Variants in MICAL2 observed in about 807,000 individuals in gnomAD.
MICAL2 encodes microtubule associated monooxygenase, calponin and LIM domain containing 2.
In MICAL2, 77 loss-of-function variants were observed where a neutral mutation model predicts 127.3. The ratio of observed to expected loss-of-function variants is 0.60; its 90% CI spans 0.50 to 0.73. The LOEUF is 0.73. MICAL2 is among the 30% of genes least tolerant of loss of function. MICAL2 has a pLI of 0.00. For missense variants in MICAL2, 1,351 were observed against 1,434.4 expected (o/e 0.94, Z 0.94); for synonymous variants, 570 against 551.1 (o/e 1.03, Z -0.48).
At chr11:12,329,880 A>G (rs11022301) in intron 32 of MICAL2, among the ~76,000 whole-genome samples, 15,794 of 148,804 alleles carry the variant, frequency 0.11, 964 homozygotes, top group South Asian at 0.19. Flanking sequence ...AAAAAAAAAA[A>G]AAAGAAAAGA....
At chr11:12,254,361 A>T (rs899962383) in intron 22 of MICAL2, 1 of 152,256 alleles carries the variant, frequency 6.6e-6, no homozygotes, top group African/African-American at 2.4e-5. Context: ...CTTTACGCCA[A>T]GTCTCAGCAC....
chr11:12,175,442 C>CT (rs1856729227), intron 3 of MICAL2, among the ~76,000 whole-genome samples: 1 of 151,462 alleles, frequency 6.6e-6, no homozygotes, highest in South Asian at 2.1e-4. Context: ...CGCCACTCCA[C>CT]TCCAGCCCGG....
rs185943606 is a variant in MICAL2, at chr11:12,211,759, G to A, written c.692-1496G>A. On this transcript the variant is annotated intron_variant, in intron 6 of 27. Transcript: ENST00000683283. ...CAAGAGCCAGCAAAATAGACATGGG[G>A]TTTTATTAGGGATTCACAGGGGAGA... Among the ~76,000 whole-genome samples the A allele has an allele frequency of 4.6e-5, 7 of 152,294 alleles. No homozygotes were observed. The East Asian group carries it at 1.4e-3, about 29-fold the overall frequency.
chr11:12,264,268 A>G (rs771330041), downstream of MICAL2, among the ~76,000 whole-genome samples: 1 of 152,182 alleles, frequency 6.6e-6, no homozygotes, highest in Non-Finnish European at 1.5e-5. Context: ...AGGACTGGGC[A>G]TCAATATTAG....
At chr11:12,305,652 A>G (rs563179826) in intron 29 of MICAL2, among the ~76,000 whole-genome samples, 19 of 152,354 alleles carry the variant, frequency 1.2e-4, no homozygotes, top group African/African-American at 3.6e-4. Context: ...ATCTTACTGT[A>G]GTGTACTCAC....
chr11:12,199,552 C>T (rs1057078496), intron 3 of MICAL2, among the ~76,000 whole-genome samples: 2 of 152,202 alleles, frequency 1.3e-5, no homozygotes, highest in African/African-American at 4.8e-5. Flanking sequence ...GACTGAATCT[C>T]TTATGCATTC....
Position 12,324,069 on chromosome 11 carries a change from A to C in MICAL2, c.5420A>C (p.Gln1807Pro). Residue 1807 changes from glutamine to proline, a missense_variant and splice_region_variant, in exon 31 of 35, where the codon CAG (glutamine) becomes CCG (proline). Transcript: ENST00000646065. ...GAATTGAAAAGACTCTATAAGGCTC[A>C]GGTCAGTAAATAAACTGGACATGAG... 2.5e-6 allele frequency: 4 copies of C among 1,608,552 alleles called. No homozygotes were observed. In the East Asian group the frequency reaches 8.9e-5, roughly 36 times the overall value.
In MICAL2 at chr11:12,256,775, C is replaced by G. The variant is rs199545924; in HGVS notation, c.2956-10C>G. 3 of 1,601,900 alleles carry G rather than the reference C, an allele frequency of 1.9e-6. No homozygotes were observed. The East Asian group carries it at 6.7e-5, about 36-fold the overall frequency. On this transcript the variant is annotated splice_polypyrimidine_tract_variant and intron_variant, in intron 23 of 27. Coordinates refer to ENST00000683283, the MANE Select transcript of MICAL2 (RefSeq NM_001282663.2). ...CCATAATACACCCACTCTTCTCTCC[C>G]GATCCCCAGGAATCTATGCGAAAGT...
intron 3 of MICAL2, among the ~76,000 whole-genome samples, chr11:12,169,417 GCT>G (rs1855965837): frequency 6.6e-6 from 1 of 151,716 alleles, no homozygotes; most frequent in Non-Finnish European, 1.5e-5. Context: ...ATGGAATCTT[GCT>G]CTGTCACCCA....
chr11:12,128,251 A>G (rs949664229), intron 1 of MICAL2, among the ~76,000 whole-genome samples: 8 of 152,244 alleles, frequency 5.3e-5, no homozygotes, highest in Non-Finnish European at 8.8e-5. Context: ...CTTGAAGAAA[A>G]TGATTTTGCA....
intron 29 of MICAL2, among the ~76,000 whole-genome samples, chr11:12,319,015 A>G (rs1361531147): frequency 6.6e-6 from 1 of 152,228 alleles, no homozygotes; most frequent in Admixed American, 6.5e-5. Context: ...CGATGATGTG[A>G]TAACATCTGC....
Position 12,258,547 on chromosome 11 carries a change from A to G in MICAL2, c.3222A>G (p.Gln1074=). ...GGAAGAGACGGGCAGAGTTGAAGCA[A>G]CAAAGAGAGGTATGTTTGTCTCAAA... ...KQRKRRAELK[Q]QREEEATWQE... Residue 1074 remains glutamine (Q), a synonymous_variant, in exon 25 of 28, where the codon CAA becomes CAG. Coordinates refer to ENST00000683283, the MANE Select transcript of MICAL2 (RefSeq NM_001282663.2). 1 of 1,613,522 alleles carries G rather than the reference A, an allele frequency of 6.2e-7. No homozygotes were observed. Among genetic ancestry groups the G allele is most frequent in the South Asian group, 1.1e-5 (1 of 91,080 alleles).
intron 32 of MICAL2, among the ~76,000 whole-genome samples, chr11:12,339,729 T>G (rs1343796267): frequency 6.6e-6 from 1 of 152,216 alleles, no homozygotes. Context: ...CCCATTTGCC[T>G]GGGTATCAGC....
intron 26 of MICAL2, chr11:12,261,890 T>G (rs1041499746): frequency 1.1e-4 from 113 of 985,994 alleles, no homozygotes; most frequent in Non-Finnish European, 1.3e-4. Context: ...TTCCTTTTGT[T>G]TGAGTATAGA....
At chr11:12,236,916 T>C (rs1393726712) in intron 16 of MICAL2, among the ~76,000 whole-genome samples, 3 of 152,220 alleles carry the variant, frequency 2.0e-5, no homozygotes, top group Non-Finnish European at 4.4e-5. Context: ...ATGCCAGCTT[T>C]TGCCAGCCTA....
At chr11:12,295,893 T>C (rs1863980220), downstream of MICAL2, among the ~76,000 whole-genome samples, 1 of 152,194 alleles carries the variant, frequency 6.6e-6, no homozygotes. Flanking sequence ...CGGTGTTGAA[T>C]GAACATCTTT....
intron 2 of MICAL2, among the ~76,000 whole-genome samples, chr11:12,158,515 C>A (rs1337823451): frequency 1.4e-5 from 2 of 146,474 alleles, no homozygotes; most frequent in Admixed American, 6.8e-5. Flanking sequence ...AAAAAAAAAA[C>A]AGATAATTTC....
rs560546022 is a variant in MICAL2, at chr11:12,139,205, C to G, written c.-78+745C>G. On this transcript the variant is annotated intron_variant, in intron 2 of 27. Transcript: ENST00000683283. ...GGACTTCCTGTCTGGCGTTTTGGCA[C>G]CCCTCCTCCCTCCTCCTCTGCCCTG... 2.0e-5 allele frequency among the ~76,000 whole-genome samples: 3 copies of G among 152,274 alleles called. No individual in the cohort carries two copies. The South Asian group carries it at 6.2e-4, about 32-fold the overall frequency.
intron 29 of MICAL2, among the ~76,000 whole-genome samples, chr11:12,314,056 A>T (rs2134828545): frequency 8.9e-6 from 1 of 112,072 alleles, no homozygotes; most frequent in East Asian, 2.7e-4. Flanking sequence ...CTTTAATGTT[A>T]CTGTATTATT....
Sources: gnomAD v4.1 joint callset for allele counts (sites outside exome capture counted in the v4.1 genomes callset) on GRCh38, gnomAD v4.1.1 for gene constraint, MANE v1.5 for transcripts, NCBI Gene and HGNC (gene_info 2026-07-23, HGNC 2026-07-21) for gene names.